Variants in TGIF1 observed in about 807,000 individuals in gnomAD.
TGIF1 encodes homeobox protein TGIF1.
TGIF1 carries 4 observed loss-of-function variants against 19.3 expected under a neutral mutation model. The ratio of observed to expected loss-of-function variants is 0.21; its 90% CI spans 0.10 to 0.47. The LOEUF is 0.47. Among genes scored for constraint, TGIF1 ranks in the 20% least tolerant of loss-of-function variants. The probability of loss-of-function intolerance (pLI) is 0.98; values close to 1 mark genes in which losing one functional copy is unlikely to be tolerated. For missense variants in TGIF1, 275 were observed against 341.4 expected (o/e 0.81, Z 1.53); for synonymous variants, 122 against 129.3 (o/e 0.94, Z 0.38).
At chr18:3,454,020 G>C (rs972142688) in intron 1 of TGIF1, among the ~76,000 whole-genome samples, 3 of 152,184 alleles carry the variant, frequency 2.0e-5, no homozygotes, top group African/African-American at 7.2e-5. Context: ...AGCAGCAAAC[G>C]TGGTTTTACT....
chr18:3,417,149 G>A (rs2082343222), intron 1 of TGIF1, among the ~76,000 whole-genome samples: 1 of 151,958 alleles, frequency 6.6e-6, no homozygotes, highest in Non-Finnish European at 1.5e-5. Flanking sequence ...GTTTTTTGTT[G>A]TTGTTGTTGT....
intron 1 of TGIF1, among the ~76,000 whole-genome samples, chr18:3,454,415 A>G (rs1244299809): frequency 1.3e-5 from 2 of 152,232 alleles, no homozygotes; most frequent in Non-Finnish European, 2.9e-5. Flanking sequence ...CTTGAGAAGA[A>G]TGTCTGGCTT....
At chr18:3,424,769 A>T (rs2082447236) in intron 2 of TGIF1, among the ~76,000 whole-genome samples, 1 of 152,144 alleles carries the variant, frequency 6.6e-6, no homozygotes, top group Non-Finnish European at 1.5e-5. Flanking sequence ...TAAAACCCCC[A>T]AAGGATAGAA....
chr18:3,446,410 C>T (rs922399975), upstream of TGIF1, among the ~76,000 whole-genome samples: 10 of 152,192 alleles, frequency 6.6e-5, no homozygotes, highest in African/African-American at 2.2e-4. Flanking sequence ...TCTCAAACTC[C>T]TGACCTCAGG....
At chr18:3,446,378 T>C (rs142075521), upstream of TGIF1, among the ~76,000 whole-genome samples, 4,143 of 152,236 alleles carry the variant, frequency 0.027, 164 homozygotes, top group African/African-American at 0.091. Context: ...GAGATGGGGT[T>C]TCACCATATT....
chr18:3,420,117 C>T lies in TGIF1; in HGVS notation c.-45+1902C>T, dbSNP rs1053430985. Among the ~76,000 whole-genome samples, 15 of 152,212 alleles carry T rather than the reference C, an allele frequency of 9.9e-5. 1 individual carries two copies. The highest frequency in any genetic ancestry group is 9.2e-4 in the Admixed American group (14 of 15,286). On this transcript the variant is annotated intron_variant, in intron 2 of 3. Transcript: ENST00000401449. Reference sequence around the variant, plus strand: ...AAGTGGCCAGGCATGGTGGCTCAAGCCTATAATTAAAGCACTTTGGGAGGA... The same window carrying T: ...AAGTGGCCAGGCATGGTGGCTCAAGTCTATAATTAAAGCACTTTGGGAGGA...
At chr18:3,446,760 CTGAGA>C (rs1180905252), upstream of TGIF1, among the ~76,000 whole-genome samples, 2 of 152,174 alleles carry the variant, frequency 1.3e-5, no homozygotes, top group African/African-American at 4.8e-5. Flanking sequence ...ACCCTCTGAC[CTGAGA>C]TGTGACTGGA....
intron 1 of TGIF1, chr18:3,453,704 AAAAAG>A (rs1221117066): frequency 1.4e-6 from 1 of 716,140 alleles, no homozygotes; most frequent in African/African-American, 1.9e-5. Context: ...AAAAAAAAAA[AAAAAG>A]AACGTGCAGG....
At chr18:3,452,320 G>C (rs772647689) in intron 1 of TGIF1, 5 of 1,612,952 alleles carry the variant, frequency 3.1e-6, no homozygotes, top group African/African-American at 1.3e-5. Flanking sequence ...GAACTTCCGC[G>C]GTCCCCATCC....
In TGIF1 at chr18:3,457,917, C is replaced by T; in HGVS notation, c.796C>T (p.Leu266Phe). The change falls in exon 3 of 3, where the codon CTT (leucine) becomes TTT (phenylalanine). Residue 266 changes from leucine to phenylalanine, a missense_variant. Transcript: ENST00000343820. This position sits in a 1 kb window ranked among gnomAD's most constrained non-coding sequence, Gnocchi z 4.9. The stretch of plus-strand genomic sequence containing the variant: ...ACTCAAACGGGCTGCAGAGATGGAG[C>T]TTCAGGCAAAACTTACAGCTTAACC... The part of the protein sequence containing the change: ...VALKRAAEME[L>F]QAKLTA 1 of 1,600,914 alleles carries T rather than the reference C, an allele frequency of 6.2e-7. No individual in the cohort carries two copies. The highest frequency in any genetic ancestry group is 2.2e-5 in the East Asian group (1 of 44,888).
chr18:3,431,436 C>CA (rs1568034594), intron 2 of TGIF1, among the ~76,000 whole-genome samples: 3 of 149,954 alleles, frequency 2.0e-5, no homozygotes, highest in South Asian at 2.1e-4. Flanking sequence ...GACTGTGTCT[C>CA]AAAAAAAATA....
Position 3,425,654 on chromosome 18 carries a change from T to G in TGIF1, c.-45+7439T>G, listed in dbSNP as rs182842037. On this transcript the variant is annotated intron_variant, in intron 2 of 3. Coordinates refer to the TGIF1 transcript ENST00000401449. ...ACAAGGACTGTTTTCCACACCCCTA[T>G]GATTGCATCCCCAGCCAATCCGCAT... Among the ~76,000 whole-genome samples the G allele has an allele frequency of 2.6e-5, 4 of 152,208 alleles. No homozygotes were observed. The East Asian group carries it at 7.7e-4, about 29-fold the overall frequency.
intron 2 of TGIF1, among the ~76,000 whole-genome samples, chr18:3,423,242 T>C (rs1186878773): frequency 1.3e-5 from 2 of 152,088 alleles, no homozygotes; most frequent in East Asian, 3.9e-4. Context: ...TATCACATAT[T>C]GTACTATTGA....
chr18:3,451,396 G>C lies in TGIF1; in HGVS notation c.16+891G>C. The stretch of plus-strand genomic sequence containing the variant: ...ACAAAACACCCCGAAAGGTCAGAGT[G>C]TGAAGTCCCTTTTGAAGTTAACAAA... On this transcript the variant is annotated intron_variant, in intron 1 of 2. Transcript: ENST00000343820. This position sits in a 1 kb window ranked among gnomAD's most constrained non-coding sequence, Gnocchi z 5.4. 1.0e-6 allele frequency: 1 copy of C among 985,460 alleles called. No individual in the cohort carries two copies. Among genetic ancestry groups the C allele is most frequent in the African/African-American group, 1.7e-5 (1 of 57,368 alleles). 61.0% of individuals were successfully genotyped at this position (985,460 alleles called of 1,614,324 possible). A position where few individuals can be genotyped will look rare whatever the true frequency, so the allele number is the denominator to read the frequency against.
chr18:3,452,463 T>C, intron 1 of TGIF1: 1 of 1,595,278 alleles, frequency 6.3e-7, no homozygotes, highest in Non-Finnish European at 8.5e-7. Flanking sequence ...CCCGGGTTTC[T>C]TTCCCCTTTT....
At chr18:3,419,023 AC>A (rs2082367611) in intron 2 of TGIF1, among the ~76,000 whole-genome samples, 2 of 152,142 alleles carry the variant, frequency 1.3e-5, no homozygotes, top group African/African-American at 4.8e-5. Flanking sequence ...GTGCCATTAC[AC>A]TCCAGCTTGG....
At chr18:3,454,059 G>A (rs2083084663) in intron 1 of TGIF1, among the ~76,000 whole-genome samples, 2 of 152,192 alleles carry the variant, frequency 1.3e-5, no homozygotes, top group South Asian at 4.1e-4. Flanking sequence ...GCGTAGCCAA[G>A]GCACTGAAGT....
chr18:3,417,000 A>C (rs1302581386), intron 1 of TGIF1, among the ~76,000 whole-genome samples: 3 of 152,198 alleles, frequency 2.0e-5, no homozygotes, highest in Non-Finnish European at 4.4e-5. Flanking sequence ...TTTTTAAAAA[A>C]AGAAATCTCA....
Position 3,450,230 on chromosome 18 carries a change from A to C in TGIF1, c.-260A>C. 7.1e-7 allele frequency: 1 copy of C among 1,412,900 alleles called. No individual in the cohort carries two copies. The highest frequency in any genetic ancestry group is 9.2e-7 in the Non-Finnish European group (1 of 1,087,134). 87.5% of individuals were successfully genotyped at this position (1,412,900 alleles called of 1,614,324 possible). On this transcript the variant is annotated 5_prime_UTR_variant, in exon 1 of 3. Transcript: ENST00000343820. ...CAGGGAACAAAGGAGCGGAGAGGGGAGGGGAGAGAGTTGGGCGAGGGAGAG... is the reference window on the plus strand; with the variant it reads ...CAGGGAACAAAGGAGCGGAGAGGGGCGGGGAGAGAGTTGGGCGAGGGAGAG...
Sources: allele counts gnomAD v4.1 joint callset (sites outside exome capture counted in the v4.1 genomes callset), GRCh38; gene constraint gnomAD v4.1.1; non-coding constraint Gnocchi (gnomAD v3.1); transcripts MANE v1.5; gene names NCBI Gene and HGNC (gene_info 2026-07-23, HGNC 2026-07-21).